RBFOX1: variants seen among roughly 807,000 people sequenced by gnomAD.
The protein encoded by RBFOX1 is RNA binding protein fox-1 homolog 1.
Under a neutral mutation model 57.7 loss-of-function variants are expected in RBFOX1, and 8 were observed. That is an observed-to-expected ratio of 0.14 (90% CI 0.08 to 0.25). RBFOX1 has a LOEUF of 0.25. RBFOX1 is among the 10% of genes least tolerant of loss of function. The pLI, the probability that RBFOX1 is intolerant of heterozygous loss-of-function variation, is 1.00. For missense variants in RBFOX1, 611 were observed against 548.5 expected (o/e 1.11, Z -1.14); for synonymous variants, 326 against 222.4 (o/e 1.47, Z -4.15).
intron 3 of RBFOX1, among the ~76,000 whole-genome samples, chr16:6,805,786 C>T (rs189918946): frequency 1.4e-3 from 212 of 152,284 alleles, no homozygotes; most frequent in Middle Eastern, 6.8e-3. Flanking sequence ...ACACCCAAGC[C>T]ATGTGGAGAT....
chr16:5,638,736 A>G (rs2048767266), intron 3 of RBFOX1, among the ~76,000 whole-genome samples: 2 of 152,154 alleles, frequency 1.3e-5, no homozygotes, highest in South Asian at 2.1e-4. Context: ...GGCTCTCTAC[A>G]TCATAGAGCT....
chr16:6,342,471 C>G (rs985915312), intron 2 of RBFOX1, among the ~76,000 whole-genome samples: 1 of 152,070 alleles, frequency 6.6e-6, no homozygotes, highest in African/African-American at 2.4e-5. Context: ...TGGCACATAA[C>G]AGAAACAACC....
chr16:6,426,085 CCT>C (rs145432245), intron 2 of RBFOX1, among the ~76,000 whole-genome samples: 187 of 141,296 alleles, frequency 1.3e-3, no homozygotes, highest in African/African-American at 4.1e-3. Flanking sequence ...TCATTTTCTC[CCT>C]CTCTCTCTCT....
chr16:7,684,920 C>T (rs1323118304), intron 14 of RBFOX1, among the ~76,000 whole-genome samples: 2 of 151,994 alleles, frequency 1.3e-5, no homozygotes, highest in Non-Finnish European at 2.9e-5. Context: ...GTCTCCCAAA[C>T]TTAGAAAATG....
chr16:5,899,968 A>T (rs2058267175), intron 4 of RBFOX1, among the ~76,000 whole-genome samples: 1 of 152,208 alleles, frequency 6.6e-6, no homozygotes, highest in African/African-American at 2.4e-5. Flanking sequence ...AGCTACTGGG[A>T]TGGGGAGGCT....
chr16:7,140,913 G>A (rs565663325), intron 4 of RBFOX1, among the ~76,000 whole-genome samples: 1 of 152,282 alleles, frequency 6.6e-6, no homozygotes, highest in Admixed American at 6.5e-5. Context: ...TTCCCAAAGG[G>A]ATTCAAGCAT....
chr16:7,390,885 T>A (rs1209088068), intron 4 of RBFOX1, among the ~76,000 whole-genome samples: 1 of 152,136 alleles, frequency 6.6e-6, no homozygotes, highest in East Asian at 1.9e-4. Flanking sequence ...GAGTTGGGAA[T>A]GTAGAAAAAT....
intron 3 of RBFOX1, among the ~76,000 whole-genome samples, chr16:5,679,042 G>A (rs543506866): frequency 6.6e-6 from 1 of 152,330 alleles, no homozygotes; most frequent in African/African-American, 2.4e-5. Context: ...CTGGAATTTA[G>A]CAGTTAATCA....
chr16:5,795,090 G>A (rs1034579590), intron 3 of RBFOX1, among the ~76,000 whole-genome samples: 1 of 152,196 alleles, frequency 6.6e-6, no homozygotes, highest in African/African-American at 2.4e-5. Context: ...CTCATGTGGA[G>A]AATGGGAAAA....
intron 14 of RBFOX1, among the ~76,000 whole-genome samples, chr16:7,686,195 AAAC>A (rs1268553968): frequency 1.3e-5 from 2 of 152,012 alleles, no homozygotes; most frequent in African/African-American, 2.4e-5. Flanking sequence ...GTGAAAAAAA[AAAC>A]AAGGAGTTTC....
intron 4 of RBFOX1, among the ~76,000 whole-genome samples, chr16:7,399,468 A>G (rs184685397): frequency 6.6e-6 from 1 of 152,092 alleles, no homozygotes; most frequent in Non-Finnish European, 1.5e-5. Flanking sequence ...ATAAATGAAT[A>G]AATAAATAAA....
At chr16:7,461,294 A>G (rs944862483) in intron 4 of RBFOX1, among the ~76,000 whole-genome samples, 1 of 151,878 alleles carries the variant, frequency 6.6e-6, no homozygotes, top group African/African-American at 2.4e-5. Context: ...CAGCCTCCCA[A>G]GTAGCTGGGA....
intron 4 of RBFOX1, among the ~76,000 whole-genome samples, chr16:5,884,746 G>A (rs1015844829): frequency 2.0e-5 from 3 of 152,094 alleles, no homozygotes; most frequent in Non-Finnish European, 4.4e-5. Context: ...ACAGGTGGAG[G>A]AATGAGAAGC....
chr16:7,364,148 G>T (rs12709197), intron 4 of RBFOX1, among the ~76,000 whole-genome samples: 18,996 of 152,154 alleles, frequency 0.12, 1,726 homozygotes, highest in African/African-American at 0.26. Flanking sequence ...ATCGTGGGGT[G>T]CAGGAGTCTA....
rs139953703 is a variant in RBFOX1, at chr16:7,574,402, A to G, written c.271-5375A>G. Among the ~76,000 whole-genome samples, 69 of 152,322 alleles carry G rather than the reference A, an allele frequency of 4.5e-4. 1 individual carries two copies. Among genetic ancestry groups the G allele is most frequent in the African/African-American group, 1.6e-3 (67 of 41,570 alleles). On this transcript the variant is annotated intron_variant, in intron 5 of 15. Coordinates refer to ENST00000550418, the MANE Select transcript of RBFOX1 (RefSeq NM_018723.4). Reference sequence around the variant, plus strand: ...CACGATCACAAGGTGAAGTCCCACAATAGGCCCTCTGTAAGCTGAGGAGCA... The same window carrying G: ...CACGATCACAAGGTGAAGTCCCACAGTAGGCCCTCTGTAAGCTGAGGAGCA...
intron 3 of RBFOX1, among the ~76,000 whole-genome samples, chr16:6,747,125 G>T (rs1249315512): frequency 6.6e-6 from 1 of 152,062 alleles, no homozygotes; most frequent in East Asian, 1.9e-4. Context: ...TATCTTACTG[G>T]TCGGCCAGGC....
chr16:6,133,546 C>A (rs1160076711), intron 1 of RBFOX1, among the ~76,000 whole-genome samples: 1 of 152,136 alleles, frequency 6.6e-6, no homozygotes, highest in Non-Finnish European at 1.5e-5. Flanking sequence ...TTTACTGTTA[C>A]CCCTCCCCAT....
At chr16:5,889,980 C>G (rs899254741) in intron 4 of RBFOX1, among the ~76,000 whole-genome samples, 3 of 152,180 alleles carry the variant, frequency 2.0e-5, no homozygotes, top group East Asian at 1.9e-4. Context: ...AGATGTAGCT[C>G]CAGCTTCTCC....
chr16:7,217,522 C>G (rs930025352), intron 4 of RBFOX1, among the ~76,000 whole-genome samples: 11 of 151,936 alleles, frequency 7.2e-5, no homozygotes, highest in Non-Finnish European at 1.6e-4. Context: ...CCTCTGACCT[C>G]TTGACTTCCA....
Sources: allele counts gnomAD v4.1 joint callset (sites outside exome capture counted in the v4.1 genomes callset), GRCh38; gene constraint gnomAD v4.1.1; transcripts MANE v1.5; gene names NCBI Gene and HGNC (gene_info 2026-07-23, HGNC 2026-07-21).